Variants in ADGRE2 observed in about 807,000 individuals in gnomAD.
The protein encoded by ADGRE2 is adhesion G protein-coupled receptor E2, also known as CD97 antigen.
ADGRE2 carries 83 observed loss-of-function variants against 100.8 expected under a neutral mutation model. That is an observed-to-expected ratio of 0.82 (90% CI 0.69 to 0.99). The LOEUF (loss-of-function observed/expected upper bound fraction) is 0.99, where lower values mean the gene tolerates loss of function less well. Ranked by LOEUF, ADGRE2 falls within the 50% of genes least tolerant of loss-of-function variation. The pLI, the probability that ADGRE2 is intolerant of heterozygous loss-of-function variation, is 0.00. For missense variants in ADGRE2, 814 were observed against 1,035.7 expected, an observed-to-expected ratio of 0.79 and a Z score of 2.94; for synonymous variants, 355 against 413.0, an observed-to-expected ratio of 0.86 and a Z score of 1.70.
chr19:14,753,657 G>T (rs1009492556), intron 14 of ADGRE2, among the ~76,000 whole-genome samples: 1 of 152,058 alleles, frequency 6.6e-6, no homozygotes, highest in Non-Finnish European at 1.5e-5. Context: ...AGCCGGGCAT[G>T]GTGGTGCATG....
chr19:14,746,337 CA>C lies in ADGRE2; in HGVS notation c.2092-15del. ...AACTAAATTCACCTTCAGAAAACCA[CA>C]GAAGATTTGTTGAATAGATTTTGAA... On this transcript the variant is annotated splice_polypyrimidine_tract_variant and intron_variant, in intron 17 of 20. Transcript: ENST00000315576. 6.9e-7 allele frequency: 1 copy of C among 1,449,976 alleles called. No individual in the cohort carries two copies. Among genetic ancestry groups the C allele is most frequent in the Non-Finnish European group, 9.6e-7 (1 of 1,046,168 alleles). The allele number at this position is 1,449,976 out of a possible 1,614,324, so 89.8% of individuals were successfully genotyped here.
chr19:14,766,499 T>C, intron 6 of ADGRE2, 118 bp from the exon 7 acceptor site: 1 of 1,305,176 alleles, frequency 7.7e-7, no homozygotes, highest in African/African-American at 1.5e-5. Context: ...TTATTGCACG[T>C]GCCACCACTT....
intron 1 of ADGRE2, 114 bp downstream of exon 1, chr19:14,778,143 T>G (rs1336727733): frequency 1.3e-5 from 2 of 152,202 alleles, no homozygotes; most frequent in Non-Finnish European, 2.9e-5. Flanking sequence ...TCTCCACACC[T>G]GTGATCCCAG....
chr19:14,756,721 G>C (rs1045650018), intron 11 of ADGRE2, among the ~76,000 whole-genome samples: 2 of 152,120 alleles, frequency 1.3e-5, no homozygotes, highest in Non-Finnish European at 2.9e-5. Context: ...AAATATGGAA[G>C]AGGAGGAAAC....
At chr19:14,763,081 T>TA (rs1253392467) in intron 11 of ADGRE2, among the ~76,000 whole-genome samples, 4 of 152,202 alleles carry the variant, frequency 2.6e-5, no homozygotes, top group African/African-American at 4.8e-5. Flanking sequence ...CTCACGCCTG[T>TA]AATCCCAGCA....
chr19:14,758,556 GTT>G lies in ADGRE2; in HGVS notation c.1085-2213_1085-2212del, dbSNP rs2147307474. ...GAGGATGTGGACACATAAGAAGTTA[GTT>G]TAAGAGTGGAGATTTAATAGGCGAA... On this transcript the variant is annotated intron_variant, in intron 11 of 20. Transcript: ENST00000315576. 2.0e-5 allele frequency among the ~76,000 whole-genome samples: 3 copies of G among 152,226 alleles called. No individual in the cohort carries two copies. In the South Asian group the frequency reaches 6.2e-4, roughly 32 times the overall value.
intron 11 of ADGRE2, 30 bp downstream of exon 11, chr19:14,764,403 C>T (rs372661394): frequency 4.0e-5 from 64 of 1,608,404 alleles, no homozygotes; most frequent in Non-Finnish European, 5.1e-5. Context: ...ACATGCAGAG[C>T]TGGAGTCTGG....
intron 2 of ADGRE2, chr19:14,776,257 GAGAA>G (rs1409238978): frequency 5.9e-6 from 1 of 168,954 alleles, no homozygotes; most frequent in African/African-American, 2.4e-5. Context: ...GAGACAGAAG[GAGAA>G]AGACAGAGAG....
intron 15 of ADGRE2, among the ~76,000 whole-genome samples, chr19:14,751,980 C>T (rs996091269): frequency 4.1e-5 from 6 of 147,864 alleles, no homozygotes; most frequent in African/African-American, 1.5e-4. Context: ...GTTGCCCAGG[C>T]TGGCATGCAA....
At position 14,755,036 on chromosome 19, in the gene ADGRE2, A is replaced by C; in HGVS notation, c.1508T>G (p.Ile503Arg). Residue 503 changes from isoleucine to arginine, a missense_variant, in exon 14 of 21, where the codon ATA (isoleucine) becomes AGA (arginine). Physicochemically the swap from Ile to Arg is moderately conservative, Grantham distance 97. This residue lies in a region of ADGRE2 where 569 missense variants were observed against 692.7 expected (regional missense o/e 0.82). Transcript: ENST00000315576. ...GHWATTGCSTIGTRDTSTICR... is the reference protein window; with the variant it reads ...GHWATTGCSTRGTRDTSTICR... Reference sequence around the variant, plus strand: ...GATGGTGCTGGTGTCTCTGGTGCCTATTGTGCTGCAGCCTGTGGTGGCCCA... The same window carrying C: ...GATGGTGCTGGTGTCTCTGGTGCCTCTTGTGCTGCAGCCTGTGGTGGCCCA... 1 of 1,614,038 alleles carries C rather than the reference A, an allele frequency of 6.2e-7. No homozygotes were observed. The highest frequency in any genetic ancestry group is 1.7e-5 in the Admixed American group (1 of 60,002).
chr19:14,745,944 C>T (rs373736928), intron 18 of ADGRE2, among the ~76,000 whole-genome samples: 25 of 152,260 alleles, frequency 1.6e-4, no homozygotes, highest in African/African-American at 3.4e-4. Flanking sequence ...GTTTTGTGAT[C>T]GAATCGTATC....
At chr19:14,773,089 A>C (rs1313105421) in intron 4 of ADGRE2, among the ~76,000 whole-genome samples, 3 of 147,148 alleles carry the variant, frequency 2.0e-5, no homozygotes, top group East Asian at 2.0e-4. Flanking sequence ...TCAAAAAAAA[A>C]AAAAAAAAAC....
intron 2 of ADGRE2, 67 bp downstream of exon 2, chr19:14,776,659 G>C: frequency 6.5e-7 from 1 of 1,541,732 alleles, no homozygotes; most frequent in South Asian, 1.2e-5. Flanking sequence ...CCGTTTCTCA[G>C]ACGCATCCAA....
chr19:14,771,202 A>G (rs1412649378), intron 5 of ADGRE2, among the ~76,000 whole-genome samples: 1 of 152,150 alleles, frequency 6.6e-6, no homozygotes, highest in Non-Finnish European at 1.5e-5. Context: ...AGGGCTGGGA[A>G]CAGGAGCACT....
intron 20 of ADGRE2, among the ~76,000 whole-genome samples, chr19:14,741,091 G>GTTTTTTTT (rs71333309): frequency 8.6e-6 from 1 of 116,714 alleles, no homozygotes. Context: ...TGAATAGGCT[G>GTTTTTTTT]TTTTTTTTTT....
chr19:14,729,308 A>G (rs552631114), downstream of ADGRE2, among the ~76,000 whole-genome samples: 5 of 152,222 alleles, frequency 3.3e-5, no homozygotes, highest in South Asian at 8.3e-4. Context: ...TCCCTGGACT[A>G]TTAACTAAAT....
In ADGRE2 at chr19:14,756,571, T is replaced by C. The variant is rs374044996; in HGVS notation, c.1085-226A>G. ...CCACTGAAATCAACTCAAGAAGAAA[T>C]AGAAGATCTGAACAGACCTATAACA... On this transcript the variant is annotated intron_variant, in intron 11 of 20. Transcript: ENST00000315576. Among the ~76,000 whole-genome samples the C allele has an allele frequency of 3.3e-4, 50 of 152,152 alleles. No homozygotes were observed. The South Asian group carries it at 5.2e-3, about 16-fold the overall frequency.
rs570979441 is a variant in ADGRE2, at chr19:14,748,558, C to T, written c.2025-1596G>A. Among the ~76,000 whole-genome samples the T allele has an allele frequency of 2.8e-4, 43 of 152,306 alleles. No individual in the cohort carries two copies. The South Asian group carries it at 7.0e-3, about 25-fold the overall frequency. On this transcript the variant is annotated intron_variant, in intron 16 of 20. Coordinates refer to ENST00000315576, the MANE Select transcript of ADGRE2 (RefSeq NM_013447.4). ...TCTTGACCTTGTGATCTGCTCGCCT[C>T]GGCCTCCCAAAGTGCTGGGATTCCA...
chr19:14,764,350 G>A, intron 11 of ADGRE2, 83 bp downstream of exon 11: 1 of 1,290,290 alleles, frequency 7.8e-7, no homozygotes, highest in Non-Finnish European at 1.1e-6. Flanking sequence ...TACAGGTGTG[G>A]TCACTTGGCT....
Sources: gnomAD v4.1 joint callset for allele counts (sites outside exome capture counted in the v4.1 genomes callset) on GRCh38, gnomAD v4.1.1 for gene constraint, gnomAD v4.1.1 regional missense constraint, MANE v1.5 for transcripts, NCBI Gene and HGNC (gene_info 2026-07-23, HGNC 2026-07-21) for gene names.